Variants in EYS observed in about 807,000 individuals in gnomAD.
EYS encodes EGF-like photoreceptor maintenance factor.
A neutral mutation model predicts 282.1 loss-of-function variants in EYS; 250 were observed. The observed-to-expected ratio is 0.89, with a 90% CI of 0.80 to 0.98. The LOEUF (loss-of-function observed/expected upper bound fraction) is 0.98, where lower values mean the gene tolerates loss of function less well. Ranked by LOEUF, EYS falls within the 50% of genes least tolerant of loss-of-function variation. The pLI is 0.00. For missense variants in EYS, 4,016 were observed against 3,709.0 expected, an observed-to-expected ratio of 1.08 and a Z score of -2.15; for synonymous variants, 1,355 against 1,282.9, an observed-to-expected ratio of 1.06 and a Z score of -1.20.
In EYS at chr6:64,576,408, T is replaced by C. The variant is rs201914925; in HGVS notation, c.5644+13815A>G. 1.3e-4 allele frequency among the ~76,000 whole-genome samples: 20 copies of C among 152,210 alleles called. No homozygotes were observed. The South Asian group carries it at 1.5e-3, about 11-fold the overall frequency. On this transcript the variant is annotated intron_variant, in intron 26 of 42. Coordinates refer to ENST00000503581, the MANE Select transcript of EYS (RefSeq NM_001142800.2). ...AAGTGACTTTAAAAGTCCTAAGTAT[T>C]CTTCAGATGAGAAAATTGAGATTAA...
At chr6:65,296,149 T>C in intron 11 of EYS, 30 bp from the exon 12 acceptor site, 1 of 1,525,422 alleles carries the variant, frequency 6.6e-7, no homozygotes, top group Non-Finnish European at 8.8e-7. Flanking sequence ...AAAACCCAAT[T>C]AGTCATATAC....
At chr6:64,629,739 C>T (rs928803328) in intron 22 of EYS, among the ~76,000 whole-genome samples, 1 of 152,078 alleles carries the variant, frequency 6.6e-6, no homozygotes, top group African/African-American at 2.4e-5. Context: ...TCCTGCAAAC[C>T]TTGTTACACT....
intron 2 of EYS, among the ~76,000 whole-genome samples, chr6:65,628,215 G>A (rs9453352): frequency 0.013 from 1,995 of 152,232 alleles, 17 homozygotes; most frequent in African/African-American, 0.016. Flanking sequence ...CAAGGTTTGT[G>A]AGTGCACCAA....
At chr6:65,135,812 G>T (rs563765588) in intron 12 of EYS, among the ~76,000 whole-genome samples, 21 of 151,950 alleles carry the variant, frequency 1.4e-4, no homozygotes, top group Non-Finnish European at 2.8e-4. Flanking sequence ...AGCTCTCTGT[G>T]ATGCTTACTG....
intron 26 of EYS, among the ~76,000 whole-genome samples, chr6:64,513,376 A>G (rs182749293): frequency 3.5e-4 from 53 of 151,976 alleles, no homozygotes; most frequent in Non-Finnish European, 6.3e-4. Flanking sequence ...TTTATACTTT[A>G]AACTGACATT....
At chr6:65,604,699 C>T (rs1322359423) in intron 2 of EYS, among the ~76,000 whole-genome samples, 2 of 151,596 alleles carry the variant, frequency 1.3e-5, no homozygotes, top group Admixed American at 6.6e-5. Context: ...TAAATTGCAT[C>T]CAAAAATAAG....
At chr6:65,363,525 T>C (rs1764796719) in intron 8 of EYS, among the ~76,000 whole-genome samples, 1 of 151,952 alleles carries the variant, frequency 6.6e-6, no homozygotes, top group African/African-American at 2.4e-5. Context: ...TTATGATTGA[T>C]GTTGTTTTTC....
At chr6:63,850,175 T>A (rs191547970) in intron 36 of EYS, among the ~76,000 whole-genome samples, 24 of 151,718 alleles carry the variant, frequency 1.6e-4, no homozygotes, top group Admixed American at 1.5e-3. Context: ...TATGAGACAA[T>A]GGGAAAAGAC....
At chr6:65,116,716 A>G (rs537221692) in intron 12 of EYS, among the ~76,000 whole-genome samples, 1 of 152,206 alleles carries the variant, frequency 6.6e-6, no homozygotes, top group Non-Finnish European at 1.5e-5. Flanking sequence ...CAACAAAAAA[A>G]CAAAAACAGA....
At chr6:64,170,460 A>G (rs1209807763) in intron 31 of EYS, among the ~76,000 whole-genome samples, 1 of 151,984 alleles carries the variant, frequency 6.6e-6, no homozygotes, top group Non-Finnish European at 1.5e-5. Context: ...CCCCTTCTGA[A>G]GGCTCTAGGG....
intron 22 of EYS, among the ~76,000 whole-genome samples, chr6:64,673,393 C>A (rs890611264): frequency 7.2e-5 from 11 of 152,034 alleles, no homozygotes; most frequent in African/African-American, 2.4e-4. Flanking sequence ...TGAACAGATG[C>A]TAAGAAGCAA....
chr6:64,597,604 A>G (rs1329829723), intron 24 of EYS, among the ~76,000 whole-genome samples: 6 of 152,134 alleles, frequency 3.9e-5, no homozygotes, highest in African/African-American at 1.2e-4. Flanking sequence ...AACAACCCAG[A>G]CACAGAAAGA....
intron 14 of EYS, among the ~76,000 whole-genome samples, chr6:64,974,749 G>A (rs890569587): frequency 3.3e-5 from 5 of 151,790 alleles, no homozygotes; most frequent in Non-Finnish European, 5.9e-5. Flanking sequence ...CTAGCATCTT[G>A]ATAGTCTGTG....
intron 13 of EYS, among the ~76,000 whole-genome samples, chr6:65,050,713 A>G (rs1354620256): frequency 6.6e-6 from 1 of 151,592 alleles, no homozygotes; most frequent in East Asian, 1.9e-4. Context: ...AGCTTGACAC[A>G]AGAATGACTG....
chr6:64,715,028 C>T (rs1771339960), intron 22 of EYS, among the ~76,000 whole-genome samples: 1 of 151,490 alleles, frequency 6.6e-6, no homozygotes, highest in Non-Finnish European at 1.5e-5. Flanking sequence ...GCAGCAGTCC[C>T]CAGTTTTTTT....
chr6:64,658,412 G>A (rs1768844773), intron 22 of EYS, among the ~76,000 whole-genome samples: 1 of 152,116 alleles, frequency 6.6e-6, no homozygotes, highest in Non-Finnish European at 1.5e-5. Flanking sequence ...CATTCCTTTG[G>A]AGGAGGAGAG....
chr6:64,416,518 C>CTTAT (rs770416184), intron 28 of EYS, among the ~76,000 whole-genome samples: 35 of 139,850 alleles, frequency 2.5e-4, no homozygotes, highest in Admixed American at 2.5e-3. Context: ...GCCGTTAGGT[C>CTTAT]TTTTTTTTTT....
intron 39 of EYS, chr6:63,787,039 C>T (rs1770384022): frequency 6.6e-6 from 1 of 152,066 alleles, no homozygotes; most frequent in Admixed American, 6.6e-5. Flanking sequence ...ATTAGGGGAT[C>T]TCAAGGTCCT....
chr6:65,057,741 G>GAAAAA lies in EYS; in HGVS notation c.2024-19_2024-15dup, dbSNP rs202085379. 7.1e-7 allele frequency: 1 copy of GAAAAA among 1,400,234 alleles called. No individual in the cohort carries two copies. Among genetic ancestry groups the GAAAAA allele is most frequent in the Non-Finnish European group, 9.8e-7 (1 of 1,018,054 alleles). 86.7% of individuals were successfully genotyped at this position (1,400,234 alleles called of 1,614,324 possible). A position where few individuals can be genotyped will look rare whatever the true frequency, so the allele number is the denominator to read the frequency against. On this transcript the variant is annotated splice_polypyrimidine_tract_variant and intron_variant, in intron 12 of 42. Transcript: ENST00000503581. ...CACATTGCGTACCTTTGGAAAATAG[G>GAAAAA]AAAAAAAAATGTTAAGTGTTAACAA...
Sources: gnomAD v4.1 joint callset for allele counts (sites outside exome capture counted in the v4.1 genomes callset) on GRCh38, gnomAD v4.1.1 for gene constraint, MANE v1.5 for transcripts, NCBI Gene and HGNC (gene_info 2026-07-23, HGNC 2026-07-21) for gene names.